Variants in CSRNP3 observed in about 807,000 individuals in gnomAD.
CSRNP3 encodes cysteine and serine rich nuclear protein 3.
Under a neutral mutation model 48.0 loss-of-function variants are expected in CSRNP3, and 12 were observed. The observed-to-expected ratio is 0.25, with a 90% CI of 0.16 to 0.41. CSRNP3 has a LOEUF of 0.41. Among genes scored for constraint, CSRNP3 ranks in the 10% least tolerant of loss-of-function variants. The pLI, the probability that CSRNP3 is intolerant of heterozygous loss-of-function variation, is 1.00. For missense variants in CSRNP3, 580 were observed against 724.4 expected, an observed-to-expected ratio of 0.80 and a Z score of 2.29; for synonymous variants, 263 against 269.7, an observed-to-expected ratio of 0.98 and a Z score of 0.24.
intron 5 of CSRNP3, among the ~76,000 whole-genome samples, chr2:165,669,011 T>C (rs1687284199): frequency 6.6e-6 from 1 of 152,238 alleles, no homozygotes; most frequent in Non-Finnish European, 1.5e-5. Context: ...AAAATTTTAC[T>C]TTATAAGATT....
At chr2:165,500,884 A>C (rs577924465) in intron 2 of CSRNP3, among the ~76,000 whole-genome samples, 2 of 152,226 alleles carry the variant, frequency 1.3e-5, no homozygotes, top group East Asian at 3.9e-4. Flanking sequence ...TTGGTTTGGA[A>C]TAAATCATGG....
chr2:165,643,633 A>G (rs1164527739), intron 4 of CSRNP3, among the ~76,000 whole-genome samples: 3 of 152,222 alleles, frequency 2.0e-5, no homozygotes. Flanking sequence ...AGTCCCAGAC[A>G]TGCCAAAACC....
intron 4 of CSRNP3, among the ~76,000 whole-genome samples, chr2:165,595,571 G>A (rs1221331322): frequency 6.6e-6 from 1 of 152,056 alleles, no homozygotes; most frequent in Non-Finnish European, 1.5e-5. Flanking sequence ...ATGATGTTCT[G>A]GGAGAAAACA....
chr2:165,637,051 T>C (rs914965048), intron 4 of CSRNP3, among the ~76,000 whole-genome samples: 1 of 152,208 alleles, frequency 6.6e-6, no homozygotes, highest in Non-Finnish European at 1.5e-5. Context: ...TTAGCTAAAA[T>C]TTCTGATAGA....
intron 3 of CSRNP3, among the ~76,000 whole-genome samples, chr2:165,556,790 C>T (rs1685165875): frequency 6.6e-6 from 1 of 152,032 alleles, no homozygotes; most frequent in Admixed American, 6.6e-5. Context: ...GAGGGTGGAA[C>T]AATATCAATA....
At chr2:165,597,875 A>T (rs1301306632) in intron 4 of CSRNP3, among the ~76,000 whole-genome samples, 4 of 152,318 alleles carry the variant, frequency 2.6e-5, no homozygotes, top group Middle Eastern at 6.8e-3. Context: ...ATGAAATCAC[A>T]GAGATTTCAT....
rs757383748 is a variant in CSRNP3, at chr2:165,595,088, A to G, written c.23A>G (p.Lys8Arg). The G allele has an allele frequency of 1.2e-6, 2 of 1,614,122 alleles. No individual in the cohort carries two copies. The highest frequency in any genetic ancestry group is 1.7e-4 in the Middle Eastern group (1 of 6,058). Reference protein sequence around the residue: MSGILKRKFEEVDGSSPC... With the variant: MSGILKRRFEEVDGSSPC... ...GCGATGAGTGGAATTTTAAAGAGGA[A>G]GTTTGAAGAAGTTGACGGCTCCTCA... is the stretch of plus-strand genomic sequence containing the variant. Residue 8 changes from lysine to arginine, a missense_variant, in exon 4 of 7, where the codon AAG becomes AGG. Transcript: ENST00000651982.
At chr2:165,513,231 CA>C (rs1684531682) in intron 2 of CSRNP3, among the ~76,000 whole-genome samples, 1 of 152,170 alleles carries the variant, frequency 6.6e-6, no homozygotes, top group Admixed American at 6.5e-5. Flanking sequence ...GTGCTGGTTG[CA>C]GGCATATTAA....
intron 2 of CSRNP3, among the ~76,000 whole-genome samples, chr2:165,503,943 A>G (rs1684391423): frequency 6.6e-6 from 1 of 152,012 alleles, no homozygotes; most frequent in Non-Finnish European, 1.5e-5. Flanking sequence ...TCTAATTAAT[A>G]ATGAATGTAA....
At chr2:165,647,072 G>A (rs945906090) in intron 4 of CSRNP3, among the ~76,000 whole-genome samples, 1 of 150,682 alleles carries the variant, frequency 6.6e-6, no homozygotes, top group African/African-American at 2.4e-5. Flanking sequence ...TTTTTATTTG[G>A]TTTAACGGCA....
intron 3 of CSRNP3, among the ~76,000 whole-genome samples, chr2:165,538,534 G>A (rs1684912139): frequency 6.6e-6 from 1 of 151,852 alleles, no homozygotes; most frequent in Admixed American, 6.6e-5. Context: ...GCGAAGAAAG[G>A]ACATATCTCT....
chr2:165,688,030 G>T lies in CSRNP3; in HGVS notation c.*8277G>T, dbSNP rs1282025994. 18 of 126,018 alleles carry T rather than the reference G, an allele frequency of 1.4e-4. No homozygotes were observed. Among genetic ancestry groups the T allele is most frequent in the Non-Finnish European group, 2.9e-4 (17 of 58,950 alleles). The allele number at this position is 126,018 out of a possible 1,614,324, so 7.8% of individuals were successfully genotyped here. A position where few individuals can be genotyped will look rare whatever the true frequency, so the allele number is the denominator to read the frequency against. ...CCCACAAATAACACTAGGGGGAAATGACCTTTTTTATTTAAAAAAAAAAAA... is the reference window on the plus strand; with the variant it reads ...CCCACAAATAACACTAGGGGGAAATTACCTTTTTTATTTAAAAAAAAAAAA... On this transcript the variant is annotated 3_prime_UTR_variant, in exon 7 of 7. Coordinates refer to ENST00000651982, the MANE Select transcript of CSRNP3 (RefSeq NM_001172173.2).
intron 3 of CSRNP3, among the ~76,000 whole-genome samples, chr2:165,531,156 A>G (rs1306871733): frequency 1.3e-5 from 2 of 152,192 alleles, no homozygotes; most frequent in Non-Finnish European, 2.9e-5. Context: ...CTTATTGTCT[A>G]CATACAAGAG....
At chr2:165,501,325 C>T (rs1375341288) in intron 2 of CSRNP3, among the ~76,000 whole-genome samples, 2 of 152,026 alleles carry the variant, frequency 1.3e-5, no homozygotes, top group African/African-American at 4.8e-5. Flanking sequence ...TTTAAAATGC[C>T]CTTCAATGTC....
intron 3 of CSRNP3, chr2:165,574,186 C>T: frequency 2.0e-6 from 1 of 506,324 alleles, no homozygotes. Context: ...GTTTCAGCTG[C>T]TGGAGGACTG....
intron 3 of CSRNP3, among the ~76,000 whole-genome samples, chr2:165,588,854 G>A (rs1685671875): frequency 6.6e-6 from 1 of 152,110 alleles, no homozygotes. Context: ...TTCAGCTACT[G>A]GTGAGGCAGA....
At chr2:165,488,151 C>G (rs1252658675) in intron 1 of CSRNP3, among the ~76,000 whole-genome samples, 1 of 83,674 alleles carries the variant, frequency 1.2e-5, no homozygotes, top group Non-Finnish European at 2.3e-5. Context: ...CAATCCTAGT[C>G]TCTGATAAAA....
chr2:165,671,939 C>T (rs1323468267), intron 5 of CSRNP3, among the ~76,000 whole-genome samples: 2 of 152,202 alleles, frequency 1.3e-5, no homozygotes, highest in East Asian at 3.9e-4. Context: ...TTTGTTAAAG[C>T]ACAGCAAGAG....
intron 5 of CSRNP3, among the ~76,000 whole-genome samples, chr2:165,665,775 A>AAGAGAGAGAGAGAGAGAGAGAGAGAG (rs10645178): frequency 7.6e-5 from 10 of 131,286 alleles, no homozygotes; most frequent in African/African-American, 2.2e-4. Flanking sequence ...AAAAGAAAGA[A>AAGAGAGAGAGAGAGAGAGAGAGAGAG]AGAGAGAGAG....
Sources: gnomAD v4.1 joint callset for allele counts (sites outside exome capture counted in the v4.1 genomes callset) on GRCh38, gnomAD v4.1.1 for gene constraint, MANE v1.5 for transcripts, NCBI Gene and HGNC (gene_info 2026-07-23, HGNC 2026-07-21) for gene names.